Variants in CDH20 observed in about 807,000 individuals in gnomAD.
The protein encoded by CDH20 is cadherin 20.
In CDH20, 29 loss-of-function variants were observed where a neutral mutation model predicts 74.2. The observed-to-expected ratio is 0.39, with a 90% CI of 0.29 to 0.53. The LOEUF is 0.53. Ranked by LOEUF, CDH20 falls within the 20% of genes least tolerant of loss-of-function variation. CDH20 has a pLI of 0.69. For missense variants in CDH20, 988 were observed against 1,048.3 expected (o/e 0.94, Z 0.79); for synonymous variants, 469 against 405.4 (o/e 1.16, Z -1.88).
chr18:61,342,074 T>C (rs1909969048), intron 1 of CDH20, among the ~76,000 whole-genome samples: 2 of 152,230 alleles, frequency 1.3e-5, no homozygotes, highest in African/African-American at 2.4e-5. Context: ...ATTTGACTCA[T>C]GGAGCTGGCT....
chr18:61,362,893 A>G (rs745394713), intron 1 of CDH20, among the ~76,000 whole-genome samples: 1 of 152,168 alleles, frequency 6.6e-6, no homozygotes, highest in Non-Finnish European at 1.5e-5. Flanking sequence ...CAAAAATGTC[A>G]TCACTTTTGG....
At chr18:61,395,067 G>A (rs1911919267) in intron 1 of CDH20, among the ~76,000 whole-genome samples, 1 of 152,032 alleles carries the variant, frequency 6.6e-6, no homozygotes. Flanking sequence ...AGTTGTTCAA[G>A]ACTACTTCTT....
At chr18:61,409,443 G>A (rs563751843) in intron 1 of CDH20, among the ~76,000 whole-genome samples, 5 of 152,270 alleles carry the variant, frequency 3.3e-5, no homozygotes, top group African/African-American at 4.8e-5. Flanking sequence ...CAGACCCTTC[G>A]ATGGGGACAT....
In CDH20 at chr18:61,410,214, TCTC is replaced by T. The variant is rs1157059192; in HGVS notation, c.-153+76390_-153+76392del. ...ATGAGCCATTTCTAAAACACACAGG[TCTC>T]CTAACATGAGCACATTAAACTGAAT... On this transcript the variant is annotated intron_variant, in intron 1 of 11. Transcript: ENST00000262717. 3.3e-5 allele frequency among the ~76,000 whole-genome samples: 5 copies of T among 152,176 alleles called. No individual in the cohort carries two copies. The East Asian group carries it at 9.7e-4, about 29-fold the overall frequency.
intron 1 of CDH20, among the ~76,000 whole-genome samples, chr18:61,472,151 C>A (rs944511066): frequency 6.6e-6 from 1 of 152,084 alleles, no homozygotes; most frequent in East Asian, 1.9e-4. Context: ...AGCTCCCCTT[C>A]CTTGTATACC....
At chr18:61,468,590 C>A (rs1451180609) in intron 1 of CDH20, among the ~76,000 whole-genome samples, 6 of 152,140 alleles carry the variant, frequency 3.9e-5, no homozygotes, top group African/African-American at 1.4e-4. Flanking sequence ...CCTACTTGCT[C>A]CACTAAGTGT....
At chr18:61,488,648 T>C (rs1910851037) in intron 1 of CDH20, among the ~76,000 whole-genome samples, 1 of 152,222 alleles carries the variant, frequency 6.6e-6, no homozygotes, top group Non-Finnish European at 1.5e-5. Context: ...AGATACATTG[T>C]GTCTTACAAT....
At chr18:61,392,439 A>G (rs1416347252) in intron 1 of CDH20, among the ~76,000 whole-genome samples, 1 of 152,180 alleles carries the variant, frequency 6.6e-6, no homozygotes, top group Non-Finnish European at 1.5e-5. Context: ...GGGTTGAAGT[A>G]TCCACAGGGA....
chr18:61,345,232 G>A (rs942733874), intron 1 of CDH20, among the ~76,000 whole-genome samples: 4 of 152,164 alleles, frequency 2.6e-5, no homozygotes, highest in African/African-American at 9.7e-5. Flanking sequence ...AACGTTTATG[G>A]AAGTCCCTAA....
intron 1 of CDH20, among the ~76,000 whole-genome samples, chr18:61,485,374 T>C (rs1568159351): frequency 6.6e-6 from 1 of 152,242 alleles, no homozygotes; most frequent in East Asian, 1.9e-4. Context: ...GAGAGTTAGG[T>C]AGGGGAGTGG....
intron 1 of CDH20, among the ~76,000 whole-genome samples, chr18:61,390,470 G>A (rs1911744075): frequency 6.6e-6 from 1 of 152,102 alleles, no homozygotes; most frequent in Non-Finnish European, 1.5e-5. Context: ...TTTTGTATAA[G>A]TTGGGAAAAT....
At chr18:61,438,041 C>T (rs1412791878) in intron 1 of CDH20, among the ~76,000 whole-genome samples, 1 of 152,116 alleles carries the variant, frequency 6.6e-6, no homozygotes, top group East Asian at 1.9e-4. Context: ...TATTTTGAGG[C>T]TAGAAAGTGA....
intron 1 of CDH20, among the ~76,000 whole-genome samples, chr18:61,476,894 T>G (rs1910407571): frequency 6.6e-6 from 1 of 152,118 alleles, no homozygotes; most frequent in South Asian, 2.1e-4. Flanking sequence ...CAAGAAAAAT[T>G]AAAATGTAAG....
At chr18:61,497,090 T>TAAAAA (rs758611157) in intron 2 of CDH20, among the ~76,000 whole-genome samples, 1 of 129,468 alleles carries the variant, frequency 7.7e-6, no homozygotes, top group Non-Finnish European at 1.6e-5. Context: ...ATTTGGATTG[T>TAAAAA]AAAAAAAAAA....
At chr18:61,343,029 G>T (rs1449104782) in intron 1 of CDH20, among the ~76,000 whole-genome samples, 1 of 152,114 alleles carries the variant, frequency 6.6e-6, no homozygotes, top group East Asian at 1.9e-4. Flanking sequence ...TGTCCACAGT[G>T]CCCCCAAAAG....
intron 1 of CDH20, among the ~76,000 whole-genome samples, chr18:61,442,946 T>G (rs1386583894): frequency 6.6e-6 from 1 of 152,038 alleles, no homozygotes; most frequent in East Asian, 1.9e-4. Context: ...AGATTGGAAC[T>G]ACTTACTAGT....
At chr18:61,336,038 G>T (rs1048154436) in intron 1 of CDH20, among the ~76,000 whole-genome samples, 2 of 152,148 alleles carry the variant, frequency 1.3e-5, no homozygotes, top group Non-Finnish European at 2.9e-5. Context: ...CCGGAAAGGC[G>T]TTGTGACTGT....
intron 1 of CDH20, among the ~76,000 whole-genome samples, chr18:61,377,628 T>C (rs1911283863): frequency 6.6e-6 from 1 of 152,146 alleles, no homozygotes; most frequent in Non-Finnish European, 1.5e-5. Context: ...TTAAATATTT[T>C]ACAACCAGCG....
intron 1 of CDH20, among the ~76,000 whole-genome samples, chr18:61,477,237 A>G (rs1010315255): frequency 4.6e-5 from 7 of 152,204 alleles, no homozygotes; most frequent in African/African-American, 1.7e-4. Context: ...TCCAAGACCC[A>G]GTGGTACTAA....
Sources: allele counts gnomAD v4.1 joint callset (sites outside exome capture counted in the v4.1 genomes callset), GRCh38; gene constraint gnomAD v4.1.1; transcripts MANE v1.5; gene names NCBI Gene and HGNC (gene_info 2026-07-23, HGNC 2026-07-21).